Variants in FIGNL2 observed in about 807,000 individuals in gnomAD.
FIGNL2 encodes the protein fidgetin like 2, also known as fidgetin-like protein 2.
For synonymous variants in FIGNL2, 565 were observed against 484.0 expected (o/e 1.17, Z -2.20); for missense variants, 1,060 against 950.2 (o/e 1.12, Z -1.52).
chr12:51,833,275 A>C (rs575965129), intron 1 of FIGNL2, among the ~76,000 whole-genome samples: 1 of 151,902 alleles, frequency 6.6e-6, no homozygotes, highest in Non-Finnish European at 1.5e-5. Flanking sequence ...GCTGGTCTTG[A>C]GCTCCTGGGC....
chr12:51,837,090 G>A (rs2138995809), intron 1 of FIGNL2, among the ~76,000 whole-genome samples: 1 of 152,254 alleles, frequency 6.6e-6, no homozygotes, highest in East Asian at 1.9e-4. Context: ...ACAGCAGGAG[G>A]GGTGGGGGCC....
rs1317637071 is a variant in FIGNL2, at chr12:51,820,058, G to C, written c.*394C>G. 4.7e-6 allele frequency: 1 copy of C among 214,778 alleles called. No individual in the cohort carries two copies. Among genetic ancestry groups the C allele is most frequent in the Non-Finnish European group, 9.3e-6 (1 of 107,826 alleles). The allele number at this position is 214,778 out of a possible 1,614,324, so 13.3% of individuals were successfully genotyped here. A position where few individuals can be genotyped will look rare whatever the true frequency, so the allele number is the denominator to read the frequency against. On this transcript the variant is annotated 3_prime_UTR_variant, in exon 2 of 2. Coordinates refer to ENST00000618634, the MANE Select transcript of FIGNL2 (RefSeq NM_001384995.1). Reference sequence around the variant, plus strand: ...CAAAGCAAAAGGGAGAGAAAACCAAGAGAATGCAGAGAATGGGATGGAGAG... The same window carrying C: ...CAAAGCAAAAGGGAGAGAAAACCAACAGAATGCAGAGAATGGGATGGAGAG...
rs1239516761 is a variant in FIGNL2 at position 51,821,441 on chromosome 12, C to T, written c.973G>A (p.Gly325Ser). 3 of 1,538,198 alleles carry T rather than the reference C, an allele frequency of 2.0e-6. No individual in the cohort carries two copies. In the South Asian group the frequency reaches 3.6e-5, roughly 19 times the overall value. ...AGGACCTTGAGGGGGACGCCGCCAC[C>T]GTACTTGCCCGACGCCTCCTCCGCG... ...GAAEEASGKY[G>S]GGVPLKVLGS... Residue 325 changes from glycine (G) to serine (S), a missense_variant, in exon 2 of 2, where the codon GGT (glycine) becomes AGT (serine). By Grantham distance (56) the Gly-to-Ser change is moderately conservative. Transcript: ENST00000618634.
At chr12:51,829,216 T>C (rs1354052548) in intron 1 of FIGNL2, among the ~76,000 whole-genome samples, 2 of 152,144 alleles carry the variant, frequency 1.3e-5, no homozygotes, top group Non-Finnish European at 2.9e-5. Flanking sequence ...CTTATGGAAA[T>C]CTCATTTATC....
At chr12:51,846,627 C>G (rs1411155530) in intron 1 of FIGNL2, among the ~76,000 whole-genome samples, 1 of 152,074 alleles carries the variant, frequency 6.6e-6, no homozygotes, top group Non-Finnish European at 1.5e-5. Context: ...GATCCTCAGC[C>G]CAGCCCTCAG....
intron 1 of FIGNL2, among the ~76,000 whole-genome samples, chr12:51,825,025 CAA>C (rs992153574): frequency 2.0e-5 from 3 of 151,934 alleles, no homozygotes; most frequent in Non-Finnish European, 2.9e-5. Context: ...GCCTGGGCGA[CAA>C]GAGTGAGACT....
intron 1 of FIGNL2, chr12:51,845,550 G>C: frequency 1.0e-6 from 1 of 985,450 alleles, no homozygotes; most frequent in South Asian, 4.7e-5. Context: ...TCTCCCTGCT[G>C]CAGCCCTGGA....
In FIGNL2 at chr12:51,821,629, C is replaced by G; in HGVS notation, c.785G>C (p.Gly262Ala). 2.0e-6 allele frequency: 3 copies of G among 1,487,090 alleles called. No individual in the cohort carries two copies. Among genetic ancestry groups the G allele is most frequent in the Non-Finnish European group, 2.7e-6 (3 of 1,124,544 alleles). 92.1% of individuals were successfully genotyped at this position (1,487,090 alleles called of 1,614,324 possible). ...FPTAAPGAES[G>A]LSLKRKAADE... ...GGCGGCCTTGCGCTTCAGCGACAGC[C>G]CGGATTCGGCACCCGGCGCGGCCGT... The change falls in exon 2 of 2, where the codon GGG (glycine) becomes GCG (alanine). Residue 262 changes from glycine to alanine, a missense_variant. Physicochemically the swap from Gly to Ala is moderately conservative, Grantham distance 60. Transcript: ENST00000618634.
At chr12:51,836,322 GCCCTCCCCCATCAGCTGCTCAACAC>G in intron 1 of FIGNL2, among the ~76,000 whole-genome samples, 1 of 152,228 alleles carries the variant, frequency 6.6e-6, no homozygotes, top group East Asian at 1.9e-4. Context: ...GGGCTGCGCT[GCCCTCCCCCATCAGCTGCTCAACAC>G]CCCTCCCCCA....
chr12:51,826,176 C>T (rs1453767422), intron 1 of FIGNL2, among the ~76,000 whole-genome samples: 11 of 152,158 alleles, frequency 7.2e-5, no homozygotes, highest in Admixed American at 2.6e-4. Flanking sequence ...GGCCCGCCCC[C>T]CCCACACAGT....
chr12:51,828,784 A>G lies in FIGNL2; in HGVS notation c.-11-6360T>C, dbSNP rs553493807. On this transcript the variant is annotated intron_variant, in intron 1 of 1. Transcript: ENST00000618634. ...AGCTGTCACTCTGTGATCATGGCCA[A>G]GACATGAGTTAACCTTACTAAACTC... Among the ~76,000 whole-genome samples, 72 of 152,344 alleles carry G rather than the reference A, an allele frequency of 4.7e-4. 2 individuals are homozygous for G. The South Asian group carries it at 0.014, about 30-fold the overall frequency.
chr12:51,820,098 A>T lies in FIGNL2; in HGVS notation c.*354T>A, dbSNP rs1024520620. ...GGGATGGAGAGAGTGAGGGAGAAGG[A>T]GGGTGCCATTCAGATAGCGAGGAGA... On this transcript the variant is annotated 3_prime_UTR_variant, in exon 2 of 2. Transcript: ENST00000618634. The T allele has an allele frequency of 2.1e-5, 6 of 291,266 alleles. No individual in the cohort carries two copies. The South Asian group carries it at 2.1e-4, about 10-fold the overall frequency. 18.0% of individuals were successfully genotyped at this position (291,266 alleles called of 1,614,324 possible).
chr12:51,835,724 G>A (rs1025670182), intron 1 of FIGNL2, among the ~76,000 whole-genome samples: 4 of 152,000 alleles, frequency 2.6e-5, no homozygotes, highest in African/African-American at 7.3e-5. Flanking sequence ...AAGTTCTATC[G>A]GACGGAGCTG....
Position 51,821,816 on chromosome 12 carries a change from C to G in FIGNL2, c.598G>C (p.Ala200Pro), listed in dbSNP as rs562621326. 1.7e-4 allele frequency: 219 copies of G among 1,274,860 alleles called. 2 individuals are homozygous for G. In the South Asian group the frequency reaches 2.4e-3, roughly 14 times the overall value. The allele number at this position is 1,274,860 out of a possible 1,614,324, so 79.0% of individuals were successfully genotyped here. Residue 200 changes from alanine (A) to proline (P), a missense_variant, in exon 2 of 2, where the codon GCG becomes CCG. Coordinates refer to ENST00000618634, the MANE Select transcript of FIGNL2 (RefSeq NM_001384995.1). The stretch of plus-strand genomic sequence containing the variant: ...CCTGCGGGATAGTTGTACAGCGGCG[C>G]TGAGGGCCCGTACCCCGGAGGCGGT... ...PPPPPGYGPS[A>P]PLYNYPAGGY...
chr12:51,822,184 C>T lies in FIGNL2; in HGVS notation c.230G>A (p.Arg77His). 6.2e-7 allele frequency: 1 copy of T among 1,611,662 alleles called. No homozygotes were observed. The highest frequency in any genetic ancestry group is 8.5e-7 in the Non-Finnish European group (1 of 1,179,016). The change falls in exon 2 of 2, where the codon CGT (arginine) becomes CAT (histidine). Residue 77 changes from arginine (R) to histidine (H), a missense_variant. Transcript: ENST00000618634. ...GTCGCTGTACCCGCCCAGGGCCGGA[C>T]GCTCGTAGGGAGAATCCAAGACCCC... ...YSGVLDSPYE[R>H]PALGGYSDAS...
chr12:51,847,740 A>G, intron 1 of FIGNL2: 1 of 985,376 alleles, frequency 1.0e-6, no homozygotes, highest in Non-Finnish European at 1.2e-6. Context: ...GTGCTCAGCA[A>G]TCTGCGAAGG....
chr12:51,845,424 T>G (rs1015531185), intron 1 of FIGNL2: 1 of 974,116 alleles, frequency 1.0e-6, no homozygotes, highest in Non-Finnish European at 1.2e-6. Context: ...AGGTAGCAGA[T>G]GCCAGCACCC....
chr12:51,823,171 C>T (rs1268522941), intron 1 of FIGNL2, among the ~76,000 whole-genome samples: 1 of 152,204 alleles, frequency 6.6e-6, no homozygotes, highest in Non-Finnish European at 1.5e-5. Flanking sequence ...GGCTGTATGC[C>T]TGGGGCAGGT....
In FIGNL2 at chr12:51,821,730, G is replaced by A. The variant is rs928670847; in HGVS notation, c.684C>T (p.Ala228=). ...CGGGCAGGCCCGGGGTCAGGTAGGG[G>A]GCCGGGGGTGGGCCTGGGGGCGGCG... ...ALPPPPGPPP[A]PYLTPGLPAP... The change falls in exon 2 of 2, where the codon GCC becomes GCT. Residue 228 remains alanine, a synonymous_variant. Coordinates refer to ENST00000618634, the MANE Select transcript of FIGNL2 (RefSeq NM_001384995.1). The A allele has an allele frequency of 7.6e-7, 1 of 1,310,850 alleles. No individual in the cohort carries two copies. The highest frequency in any genetic ancestry group is 2.3e-5 in the South Asian group (1 of 43,784). 81.2% of individuals were successfully genotyped at this position (1,310,850 alleles called of 1,614,324 possible). A position where few individuals can be genotyped will look rare whatever the true frequency, so the allele number is the denominator to read the frequency against.
Sources: gnomAD v4.1 joint callset for allele counts (sites outside exome capture counted in the v4.1 genomes callset) on GRCh38, gnomAD v4.1.1 for gene constraint, MANE v1.5 for transcripts, NCBI Gene and HGNC (gene_info 2026-07-23, HGNC 2026-07-21) for gene names.